Variants in BRSK2 observed in about 807,000 individuals in gnomAD.
BRSK2 encodes the protein serine/threonine-protein kinase BRSK2.
A neutral mutation model predicts 83.3 loss-of-function variants in BRSK2; 19 were observed. That is an observed-to-expected ratio of 0.23 (90% CI 0.16 to 0.33). The LOEUF is 0.33. Ranked by LOEUF, BRSK2 falls within the 10% of genes least tolerant of loss-of-function variation. BRSK2 has a pLI of 1.00. For missense variants in BRSK2, 798 were observed against 1,042.3 expected (o/e 0.77, Z 3.23); for synonymous variants, 519 against 435.4 (o/e 1.19, Z -2.39).
intron 12 of BRSK2, among the ~76,000 whole-genome samples, chr11:1,446,129 G>C (rs978802544): frequency 1.4e-5 from 2 of 144,170 alleles, no homozygotes; most frequent in East Asian, 2.2e-4. Context: ...GCTGGGCTGG[G>C]CTGTGCTGGA....
chr11:1,405,129 G>A (rs932124002), intron 1 of BRSK2, among the ~76,000 whole-genome samples: 1 of 139,610 alleles, frequency 7.2e-6, no homozygotes, highest in Non-Finnish European at 1.6e-5. Flanking sequence ...AGTCACCCTG[G>A]GAGGGGGTTG....
At chr11:1,425,713 T>C (rs1159465487) in intron 1 of BRSK2, among the ~76,000 whole-genome samples, 2 of 152,100 alleles carry the variant, frequency 1.3e-5, no homozygotes, top group Non-Finnish European at 2.9e-5. Context: ...CCACTGGCCT[T>C]GGGGTAGATG....
chr11:1,457,496 C>T (rs777055105), intron 18 of BRSK2, among the ~76,000 whole-genome samples: 3 of 152,222 alleles, frequency 2.0e-5, no homozygotes, highest in Admixed American at 6.5e-5. Context: ...GGGCTCCCCC[C>T]ACTCCCCTGG....
chr11:1,439,866 A>ACACC (rs1480592381), intron 3 of BRSK2, among the ~76,000 whole-genome samples: 1 of 145,590 alleles, frequency 6.9e-6, no homozygotes, highest in Non-Finnish European at 1.5e-5. Context: ...TGGGGGCTTC[A>ACACC]TATCTTCCCC....
chr11:1,440,335 C>T (rs1013042331), intron 3 of BRSK2, among the ~76,000 whole-genome samples: 1 of 152,168 alleles, frequency 6.6e-6, no homozygotes, highest in Non-Finnish European at 1.5e-5. Flanking sequence ...CAGACAGTCC[C>T]TGGGCCCCTG....
intron 1 of BRSK2, among the ~76,000 whole-genome samples, chr11:1,429,010 A>G (rs1467618371): frequency 9.5e-5 from 13 of 136,330 alleles, no homozygotes; most frequent in Non-Finnish European, 4.7e-5. Flanking sequence ...GTGTGTGTGC[A>G]TGGGTGTGTG....
At chr11:1,434,780 C>G (rs866944815) in intron 1 of BRSK2, among the ~76,000 whole-genome samples, 1 of 152,066 alleles carries the variant, frequency 6.6e-6, no homozygotes, top group East Asian at 1.9e-4. Flanking sequence ...ATAACCTGAT[C>G]CCCCCATGGT....
intron 18 of BRSK2, 146 bp from the exon 19 acceptor site, chr11:1,459,046 C>T: frequency 1.3e-6 from 1 of 766,598 alleles, no homozygotes; most frequent in South Asian, 1.6e-5. Flanking sequence ...TGGCTCTGGC[C>T]CCCCCAGTAT....
At chr11:1,428,353 A>G (rs1479854263) in intron 1 of BRSK2, among the ~76,000 whole-genome samples, 2 of 152,154 alleles carry the variant, frequency 1.3e-5, no homozygotes, top group African/African-American at 4.8e-5. Context: ...CAGTGGCTCC[A>G]TCCCCTCCGT....
rs531875806 is a variant in BRSK2, at chr11:1,461,307, C to G, written c.*584C>G. The G allele has an allele frequency of 2.8e-4, 121 of 438,236 alleles. No individual in the cohort carries two copies. Among genetic ancestry groups the G allele is most frequent in the Non-Finnish European group, 1.2e-4 (29 of 245,646 alleles). The allele number at this position is 438,236 out of a possible 1,614,324, so 27.1% of individuals were successfully genotyped here. A position where few individuals can be genotyped will look rare whatever the true frequency, so the allele number is the denominator to read the frequency against. On this transcript the variant is annotated 3_prime_UTR_variant, in exon 20 of 20. Transcript: ENST00000528841. ...CAGGCCCCGTCCACCGCCTCCACGC[C>G]GCACCTGGAGGCCTCCTCGCAGGCC...
chr11:1,445,748 T>C lies in BRSK2; in HGVS notation c.1076-9T>C. The C allele has an allele frequency of 3.7e-6, 6 of 1,611,364 alleles. No homozygotes were observed. Among genetic ancestry groups the C allele is most frequent in the Non-Finnish European group, 5.1e-6 (6 of 1,178,882 alleles). On this transcript the variant is annotated splice_polypyrimidine_tract_variant and intron_variant, in intron 11 of 19. Coordinates refer to ENST00000528841, the MANE Select transcript of BRSK2 (RefSeq NM_001256627.2). ...GGGGCTGTCTGGCCTGACCTTCGTC[T>C]GTACTCAGACCCTCCCCGGAAGCGT... is the stretch of plus-strand genomic sequence containing the variant.
At chr11:1,451,563 C>T (rs1845824980) in intron 15 of BRSK2, 144 bp downstream of exon 15, 2 of 851,000 alleles carry the variant, frequency 2.4e-6, no homozygotes, top group Admixed American at 4.1e-5. Flanking sequence ...GTCTCGGCCA[C>T]TGAGTCTCTG....
At chr11:1,398,331 C>T (rs1846250924) in intron 1 of BRSK2, among the ~76,000 whole-genome samples, 1 of 152,152 alleles carries the variant, frequency 6.6e-6, no homozygotes, top group Non-Finnish European at 1.5e-5. Flanking sequence ...CTGGCCTGGG[C>T]CCCTGATTGG....
intron 1 of BRSK2, among the ~76,000 whole-genome samples, chr11:1,404,455 C>G (rs1419439255): frequency 1.3e-5 from 2 of 152,240 alleles, no homozygotes; most frequent in Non-Finnish European, 2.9e-5. Flanking sequence ...TGCCTCTGAT[C>G]CTTGCCCTTG....
chr11:1,420,869 C>T (rs879508056), intron 1 of BRSK2, among the ~76,000 whole-genome samples: 1 of 152,222 alleles, frequency 6.6e-6, no homozygotes, highest in Non-Finnish European at 1.5e-5. Flanking sequence ...TGTTTTTCCA[C>T]CTGACCTTAA....
In BRSK2 at chr11:1,456,550, G is replaced by A. The variant is rs201071662; in HGVS notation, c.1849+22G>A. On this transcript the variant is annotated intron_variant, in intron 17 of 19. Transcript: ENST00000528841. Reference sequence around the variant, plus strand: ...TCAGGTGAGCTGGCGCCCCCAGGGCGGCTCCGGGCCCAGGCCCGTCCAGGG... The same window carrying A: ...TCAGGTGAGCTGGCGCCCCCAGGGCAGCTCCGGGCCCAGGCCCGTCCAGGG... 5.1e-5 allele frequency: 82 copies of A among 1,598,408 alleles called. No homozygotes were observed. The South Asian group carries it at 5.7e-4, about 11-fold the overall frequency.
At chr11:1,451,686 G>T (rs1035200638) in intron 15 of BRSK2, among the ~76,000 whole-genome samples, 1 of 152,224 alleles carries the variant, frequency 6.6e-6, no homozygotes, top group African/African-American at 2.4e-5. Context: ...CGAGCAGGGG[G>T]TACACTGGGC....
Position 1,393,242 on chromosome 11 carries a change from C to T in BRSK2, c.91+2867C>T, listed in dbSNP as rs530646379. Among the ~76,000 whole-genome samples, 45 of 136,004 alleles carry T rather than the reference C, an allele frequency of 3.3e-4. No homozygotes were observed. In the South Asian group the frequency reaches 0.01, roughly 31 times the overall value. 89.2% of individuals were successfully genotyped at this position (136,004 alleles called of 152,430 possible). ...TGGCACGGGCTGGGTGGCTTTTGTC[C>T]CTGCGCGCCTTTGTCCCTGTGCCCC... On this transcript the variant is annotated intron_variant, in intron 1 of 19. Transcript: ENST00000528841.
chr11:1,439,612 C>T (rs1288737332), intron 3 of BRSK2, among the ~76,000 whole-genome samples: 3 of 152,064 alleles, frequency 2.0e-5, no homozygotes, highest in Admixed American at 6.5e-5. Flanking sequence ...TGGGCATGGC[C>T]GGGCTCGCGG....
Sources: gnomAD v4.1 joint callset for allele counts (sites outside exome capture counted in the v4.1 genomes callset) on GRCh38, gnomAD v4.1.1 for gene constraint, MANE v1.5 for transcripts, NCBI Gene and HGNC (gene_info 2026-07-23, HGNC 2026-07-21) for gene names.